Variants in ARFIP1 observed in about 807,000 individuals in gnomAD.
The protein encoded by ARFIP1 is ARF interacting protein 1, also known as arfaptin-1.
ARFIP1 carries 24 observed loss-of-function variants against 42.5 expected under a neutral mutation model. The observed-to-expected ratio is 0.57, with a 90% CI of 0.41 to 0.80. ARFIP1 has a LOEUF of 0.80. Among genes scored for constraint, ARFIP1 ranks in the 30% least tolerant of loss-of-function variants. The pLI is 0.00. For synonymous variants in ARFIP1, 141 were observed against 153.7 expected (o/e 0.92, Z 0.61); for missense variants, 354 against 434.0 (o/e 0.82, Z 1.64).
intron 1 of ARFIP1, among the ~76,000 whole-genome samples, chr4:152,783,040 C>G (rs755821579): frequency 6.6e-6 from 1 of 152,100 alleles, no homozygotes; most frequent in South Asian, 2.1e-4. Context: ...AGGCTGGGCA[C>G]GGTGCCTCAC....
At chr4:152,908,924 G>A (rs1159828145) in intron 8 of ARFIP1, among the ~76,000 whole-genome samples, 1 of 151,498 alleles carries the variant, frequency 6.6e-6, no homozygotes, top group Non-Finnish European at 1.5e-5. Flanking sequence ...GTGTGTGTGT[G>A]TGTGTGTGTG....
In ARFIP1 at chr4:152,834,188, C is replaced by T. The variant is rs1217677973; in HGVS notation, c.93+4462C>T. On this transcript the variant is annotated intron_variant, in intron 2 of 8. Transcript: ENST00000353617. The stretch of plus-strand genomic sequence containing the variant: ...GGTGTTAAACCATTCATGAGGAATC[C>T]GCCCCCATGATCCAGTCACTTCCCA... Among the ~76,000 whole-genome samples, 4 of 152,138 alleles carry T rather than the reference C, an allele frequency of 2.6e-5. No individual in the cohort carries two copies. In the East Asian group the frequency reaches 5.8e-4, roughly 22 times the overall value.
chr4:152,866,011 C>G (rs1734298152), intron 3 of ARFIP1, among the ~76,000 whole-genome samples: 1 of 151,950 alleles, frequency 6.6e-6, no homozygotes, highest in African/African-American at 2.4e-5. Flanking sequence ...GCAGAGGACC[C>G]TGCGGCCTTC....
chr4:152,783,736 A>C (rs1730636893), intron 1 of ARFIP1, among the ~76,000 whole-genome samples: 1 of 152,190 alleles, frequency 6.6e-6, no homozygotes, highest in Non-Finnish European at 1.5e-5. Flanking sequence ...TCAGTGGATG[A>C]ACATCTGGTT....
chr4:152,830,768 A>G (rs1365668190), intron 2 of ARFIP1, among the ~76,000 whole-genome samples: 3 of 152,204 alleles, frequency 2.0e-5, no homozygotes, highest in Non-Finnish European at 4.4e-5. Flanking sequence ...AGTACCCTGC[A>G]GTTATGACAA....
At chr4:152,878,578 A>G (rs1314228326) in intron 5 of ARFIP1, among the ~76,000 whole-genome samples, 1 of 152,060 alleles carries the variant, frequency 6.6e-6, no homozygotes, top group Non-Finnish European at 1.5e-5. Flanking sequence ...ATTGGAATAT[A>G]TGTGAATCTA....
At chr4:152,852,024 T>C (rs1269272864) in intron 2 of ARFIP1, among the ~76,000 whole-genome samples, 1 of 152,236 alleles carries the variant, frequency 6.6e-6, no homozygotes, top group African/African-American at 2.4e-5. Flanking sequence ...ATATTTTGTT[T>C]TAGCTTAATT....
At chr4:152,805,018 T>G (rs1728891569) in intron 1 of ARFIP1, among the ~76,000 whole-genome samples, 1 of 152,220 alleles carries the variant, frequency 6.6e-6, no homozygotes, top group African/African-American at 2.4e-5. Flanking sequence ...TGTAATGTGC[T>G]TAGCACAGTG....
intron 8 of ARFIP1, among the ~76,000 whole-genome samples, chr4:152,900,585 A>G (rs956245006): frequency 6.6e-6 from 1 of 152,160 alleles, no homozygotes; most frequent in Non-Finnish European, 1.5e-5. Flanking sequence ...TTTCTCAAAC[A>G]GTAGTTGCTT....
At chr4:152,783,282 C>T (rs1303597002) in intron 1 of ARFIP1, among the ~76,000 whole-genome samples, 1 of 152,182 alleles carries the variant, frequency 6.6e-6, no homozygotes, top group African/African-American at 2.4e-5. Context: ...TTCACTCCAG[C>T]CTGGCCAACA....
intron 5 of ARFIP1, among the ~76,000 whole-genome samples, chr4:152,875,540 C>T (rs78385695): frequency 0.025 from 3,733 of 152,128 alleles, 111 homozygotes; most frequent in South Asian, 0.079. Flanking sequence ...ATCTTTTAAA[C>T]TTTCATGCCT....
At chr4:152,827,181 T>C (rs941158341) in intron 1 of ARFIP1, among the ~76,000 whole-genome samples, 8 of 152,240 alleles carry the variant, frequency 5.3e-5, no homozygotes, top group African/African-American at 1.9e-4. Flanking sequence ...TTTACAATAA[T>C]TTTTAAAAAT....
rs770973564 is a variant in ARFIP1 at position 152,863,763 on chromosome 4, A to C, written c.202+49A>C. On this transcript the variant is annotated intron_variant, in intron 3 of 8. Coordinates refer to ENST00000353617, the MANE Select transcript of ARFIP1 (RefSeq NM_001025595.3). ...GATGGCTGGGATAGAGGATGGGAGA[A>C]GTTCACCAAATGCTACCTTTATTAA... 4 of 1,211,102 alleles carry C rather than the reference A, an allele frequency of 3.3e-6. No homozygotes were observed. The Admixed American group carries it at 7.5e-5, about 23-fold the overall frequency. 75.0% of individuals were successfully genotyped at this position (1,211,102 alleles called of 1,614,324 possible). A position where few individuals can be genotyped will look rare whatever the true frequency, so the allele number is the denominator to read the frequency against.
chr4:152,829,631 A>G lies in ARFIP1; in HGVS notation c.-3A>G, dbSNP rs377362694. ...TTTTCTTCTTTTGTTTTAGGAGTCTACCATGGCTCAAGAATCTCCCAAAAA... is the reference window on the plus strand; with the variant it reads ...TTTTCTTCTTTTGTTTTAGGAGTCTGCCATGGCTCAAGAATCTCCCAAAAA... On this transcript the variant is annotated 5_prime_UTR_variant, in exon 2 of 9. Transcript: ENST00000353617. The G allele has an allele frequency of 5.6e-6, 9 of 1,610,530 alleles. No individual in the cohort carries two copies. The highest frequency in any genetic ancestry group is 4.0e-5 in the African/African-American group (3 of 74,872).
rs577798352 is a variant in ARFIP1 at position 152,898,290 on chromosome 4, C to G, written c.966+9983C>G. Reference sequence around the variant, plus strand: ...AGCCACTGCGCCCGGCTGCAATGTTCTTTTTAACCTTTTCTTGAAATTCTC... The same window carrying G: ...AGCCACTGCGCCCGGCTGCAATGTTGTTTTTAACCTTTTCTTGAAATTCTC... On this transcript the variant is annotated intron_variant, in intron 8 of 8. Transcript: ENST00000353617. Among the ~76,000 whole-genome samples the G allele has an allele frequency of 1.2e-4, 18 of 152,156 alleles. No homozygotes were observed. The South Asian group carries it at 3.7e-3, about 32-fold the overall frequency.
At chr4:152,814,659 C>T (rs1471670198) in intron 1 of ARFIP1, among the ~76,000 whole-genome samples, 1 of 152,192 alleles carries the variant, frequency 6.6e-6, no homozygotes. Context: ...TATTGCACTG[C>T]TAGCCAAGGG....
chr4:152,816,961 A>G (rs1012640935), intron 1 of ARFIP1, among the ~76,000 whole-genome samples: 1 of 152,208 alleles, frequency 6.6e-6, no homozygotes, highest in African/African-American at 2.4e-5. Context: ...ATTGCTCACA[A>G]CATTGTTTCC....
intron 1 of ARFIP1, among the ~76,000 whole-genome samples, chr4:152,820,592 A>C (rs1399909268): frequency 6.6e-6 from 1 of 152,142 alleles, no homozygotes; most frequent in African/African-American, 2.4e-5. Context: ...GGCACATCCT[A>C]TATGGCTGGA....
intron 3 of ARFIP1, 80 bp downstream of exon 3, chr4:152,863,794 C>A: frequency 2.4e-6 from 2 of 848,118 alleles, no homozygotes; most frequent in Non-Finnish European, 3.8e-6. Context: ...ATTAATAAAG[C>A]ACAAGAATGG....
Sources: gnomAD v4.1 joint callset for allele counts (sites outside exome capture counted in the v4.1 genomes callset) on GRCh38, gnomAD v4.1.1 for gene constraint, MANE v1.5 for transcripts, NCBI Gene and HGNC (gene_info 2026-07-23, HGNC 2026-07-21) for gene names.